The following RGS8 variants were observed in gnomAD, a reference collection of about 807,000 sequenced individuals.
The protein encoded by RGS8 is regulator of G protein signaling 8.
A neutral mutation model predicts 21.7 loss-of-function variants in RGS8; 8 were observed. The ratio of observed to expected loss-of-function variants is 0.37; its 90% CI spans 0.22 to 0.66. The LOEUF (loss-of-function observed/expected upper bound fraction) is 0.66. Among genes scored for constraint, RGS8 ranks in the 30% least tolerant of loss-of-function variants. The pLI is 0.59. For missense variants in RGS8, 157 were observed against 217.9 expected (o/e 0.72, Z 1.76); for synonymous variants, 80 against 83.6 (o/e 0.96, Z 0.24).
the RGS8 span, among the ~76,000 whole-genome samples, chr1:182,713,753 A>G: frequency 6.6e-6 from 1 of 152,154 alleles, no homozygotes; most frequent in Non-Finnish European, 1.5e-5. Flanking sequence ...TGTGCCTGGA[A>G]ATACTACATC....
the RGS8 span, among the ~76,000 whole-genome samples, chr1:182,697,765 C>G: frequency 6.6e-6 from 1 of 152,100 alleles, no homozygotes; most frequent in African/African-American, 2.4e-5. Flanking sequence ...AGGTCGGTGA[C>G]TATCCCTCAC....
the RGS8 span, among the ~76,000 whole-genome samples, chr1:182,715,322 T>C: frequency 6.6e-6 from 1 of 152,130 alleles, no homozygotes; most frequent in African/African-American, 2.4e-5. Context: ...ACACAACAAA[T>C]AGCATACTGC....
At chr1:182,736,242 A>T in the RGS8 span, among the ~76,000 whole-genome samples, 2 of 152,198 alleles carry the variant, frequency 1.3e-5, no homozygotes, top group African/African-American at 4.8e-5. Context: ...TACAATTACC[A>T]CTAATTAGGA....
chr1:182,709,167 C>T, the RGS8 span, among the ~76,000 whole-genome samples: 2 of 152,090 alleles, frequency 1.3e-5, no homozygotes, highest in Non-Finnish European at 1.5e-5. Context: ...CCACCTTTTT[C>T]TAACTTTCCC....
At chr1:182,741,110 C>G in the RGS8 span, among the ~76,000 whole-genome samples, 1 of 151,658 alleles carries the variant, frequency 6.6e-6, no homozygotes, top group Non-Finnish European at 1.5e-5. Flanking sequence ...AGAGGGGCTC[C>G]TCACTTCCCA....
chr1:182,700,237 C>T, the RGS8 span, among the ~76,000 whole-genome samples: 1 of 152,198 alleles, frequency 6.6e-6, no homozygotes, highest in Non-Finnish European at 1.5e-5. Context: ...AAGCTACTCT[C>T]AAAGGCTTTT....
the RGS8 span, among the ~76,000 whole-genome samples, chr1:182,745,088 A>G: frequency 6.6e-6 from 1 of 152,242 alleles, no homozygotes; most frequent in East Asian, 1.9e-4. Flanking sequence ...CACCCTCTAG[A>G]TATAAATAGT....
At position 182,671,718 on chromosome 1, in the gene RGS8, G is replaced by A. The variant is rs553902253; in HGVS notation, c.-165C>T. 2.7e-5 allele frequency: 43 copies of A among 1,614,132 alleles called. No homozygotes were observed. Among genetic ancestry groups the A allele is most frequent in the Admixed American group, 2.2e-4 (13 of 60,026 alleles). On this transcript the variant is annotated 5_prime_UTR_variant, in exon 2 of 7. An upstream open reading frame in the 5' UTR gains an earlier in-frame stop. Transcript: ENST00000483095. ...CCAACTGGATGGTCAGAGAGGCTTCGGGTTAAGGTGTTCTGGGGAAAAAGT... is the reference window on the plus strand; with the variant it reads ...CCAACTGGATGGTCAGAGAGGCTTCAGGTTAAGGTGTTCTGGGGAAAAAGT...
chr1:182,643,320 C>T (rs1662551546), downstream of RGS8: 1 of 89,926 alleles, frequency 1.1e-5, no homozygotes, highest in Non-Finnish European at 2.3e-5. Context: ...CCCCCCTCCC[C>T]CAGCCCCCCC....
At chr1:182,742,481 A>G in the RGS8 span, among the ~76,000 whole-genome samples, 1 of 152,206 alleles carries the variant, frequency 6.6e-6, no homozygotes, top group African/African-American at 2.4e-5. Context: ...CTCCGTCTGC[A>G]ATCTCGGCAC....
the RGS8 span, among the ~76,000 whole-genome samples, chr1:182,692,675 C>CAAAAAAAAAAAAAAAAAAAAAAA: frequency 3.6e-5 from 1 of 28,028 alleles, no homozygotes; most frequent in Non-Finnish European, 7.0e-5. Context: ...CAATCCTAAG[C>CAAAAAAAAAAAAAAAAAAAAAAA]AAAAAAAAAA....
intron 5 of RGS8, among the ~76,000 whole-genome samples, chr1:182,656,757 A>C (rs1015294954): frequency 2.0e-5 from 3 of 152,170 alleles, no homozygotes; most frequent in Non-Finnish European, 2.9e-5. Flanking sequence ...GCCCTCCCTC[A>C]TGGGCCCTTC....
the RGS8 span, among the ~76,000 whole-genome samples, chr1:182,700,858 G>A: frequency 1.3e-5 from 2 of 152,148 alleles, no homozygotes; most frequent in Non-Finnish European, 2.9e-5. Context: ...AGGAAATTAA[G>A]ACACCAGAAA....
chr1:182,677,665 C>G (rs192882808), upstream of RGS8, among the ~76,000 whole-genome samples: 88 of 152,290 alleles, frequency 5.8e-4, 1 homozygote, highest in East Asian at 0.015. Flanking sequence ...CCTTTTGTTC[C>G]TCTTGAGCAT....
chr1:182,648,357 G>A lies in RGS8; in HGVS notation c.194-54C>T, dbSNP rs554590023. On this transcript the variant is annotated intron_variant, in intron 5 of 6. Coordinates refer to ENST00000483095, the Ensembl canonical transcript of RGS8. ...GAGATAGGAAGCAGCTTAAGTTTAA[G>A]AACTGTAGAAGAAAGAAAGGAAGTA... 1.1e-3 allele frequency: 1,763 copies of A among 1,567,098 alleles called. 3 individuals carry two copies. The highest frequency in any genetic ancestry group is 2.0e-3 in the Admixed American group (114 of 57,318).
At chr1:182,747,958 GTTTTATGCT>G in the RGS8 span, among the ~76,000 whole-genome samples, 1 of 151,376 alleles carries the variant, frequency 6.6e-6, no homozygotes, top group Non-Finnish European at 1.5e-5. Context: ...TTTTGAGTAT[GTTTTATGCT>G]TTTTTTATTT....
intron 5 of RGS8, among the ~76,000 whole-genome samples, chr1:182,663,100 G>A (rs508709): frequency 0.084 from 12,809 of 152,080 alleles, 1,363 homozygotes; most frequent in African/African-American, 0.25. Context: ...TTCACTCTTT[G>A]CTTCTTAGGA....
the RGS8 span, among the ~76,000 whole-genome samples, chr1:182,741,839 G>A: frequency 1.5e-5 from 2 of 130,160 alleles, no homozygotes; most frequent in Non-Finnish European, 3.4e-5. Context: ...GGGCAGAGGC[G>A]CCCCTCACCT....
chr1:182,690,907 A>G, the RGS8 span, among the ~76,000 whole-genome samples: 1 of 152,142 alleles, frequency 6.6e-6, no homozygotes, highest in Non-Finnish European at 1.5e-5. Flanking sequence ...AGCACTTACA[A>G]ATTGGGGCTT....
Sources: allele counts gnomAD v4.1 joint callset (sites outside exome capture counted in the v4.1 genomes callset), GRCh38; gene constraint gnomAD v4.1.1; transcripts MANE v1.5; gene names NCBI Gene and HGNC (gene_info 2026-07-23, HGNC 2026-07-21).